Variants in SPDYE4 observed in about 807,000 individuals in gnomAD.
SPDYE4 encodes speedy protein E4.
SPDYE4 carries 30 observed loss-of-function variants against 37.5 expected under a neutral mutation model. The observed-to-expected ratio is 0.80, with a 90% CI of 0.60 to 1.09. The LOEUF is 1.09. Among genes scored for constraint, SPDYE4 ranks in the 50% least tolerant of loss-of-function variants. The pLI is 0.00. For synonymous variants in SPDYE4, 131 were observed against 120.3 expected, an observed-to-expected ratio of 1.09 and a Z score of -0.58; for missense variants, 300 against 307.9, an observed-to-expected ratio of 0.97 and a Z score of 0.19.
intron 4 of SPDYE4, 81 bp downstream of exon 4, chr17:8,755,439 T>A: frequency 6.8e-7 from 1 of 1,479,700 alleles, no homozygotes; most frequent in East Asian, 2.3e-5. Flanking sequence ...GGTAAAAAAA[T>A]AGATGGAAGG....
intron 5 of SPDYE4, 35 bp downstream of exon 5, chr17:8,753,286 T>TGGCCC: frequency 3.0e-6 from 1 of 329,282 alleles, no homozygotes; most frequent in Non-Finnish European, 4.7e-6. Context: ...ACCCCATCCC[T>TGGCCC]CCCCACCCCC....
chr17:8,753,773 A>G (rs189128218), intron 4 of SPDYE4, among the ~76,000 whole-genome samples: 55 of 152,272 alleles, frequency 3.6e-4, no homozygotes, highest in Non-Finnish European at 1.5e-5. Context: ...ACTGGAGGCC[A>G]GGAGTTAGGG....
In SPDYE4 at chr17:8,751,799, G is replaced by A. The variant is rs1481826698; in HGVS notation, c.*483C>T. On this transcript the variant is annotated 3_prime_UTR_variant, in exon 7 of 7. Coordinates refer to ENST00000689094, the MANE Select transcript of SPDYE4 (RefSeq NM_001394956.1). ...CATTTGAAAAATAAACCAACAAAAT[G>A]TACAGTATCTATTAAACTATCTCTT... Among the ~76,000 whole-genome samples the A allele has an allele frequency of 6.6e-6, 1 of 152,120 alleles. No individual in the cohort carries two copies. Among genetic ancestry groups the A allele is most frequent in the East Asian group, 1.9e-4 (1 of 5,192 alleles).
chr17:8,751,566 G>C lies in SPDYE4; in HGVS notation c.*716C>G, dbSNP rs2086728597. 6.6e-6 allele frequency among the ~76,000 whole-genome samples: 1 copy of C among 152,098 alleles called. No individual in the cohort carries two copies. The highest frequency in any genetic ancestry group is 2.4e-5 in the African/African-American group (1 of 41,416). On this transcript the variant is annotated 3_prime_UTR_variant, in exon 7 of 7. Coordinates refer to ENST00000689094, the MANE Select transcript of SPDYE4 (RefSeq NM_001394956.1). ...GGTCAGTATCATAGATTACAAGAGTGCTCGCTTCAGGAGCACATTTAATAA... is the reference window on the plus strand; with the variant it reads ...GGTCAGTATCATAGATTACAAGAGTCCTCGCTTCAGGAGCACATTTAATAA...
intron 2 of SPDYE4, 48 bp from the exon 3 acceptor site, chr17:8,756,484 C>T (rs768447853): frequency 2.3e-5 from 37 of 1,579,790 alleles, no homozygotes; most frequent in Non-Finnish European, 3.0e-5. Flanking sequence ...ACAGGGTTGC[C>T]GTGGGAGCAG....
downstream of SPDYE4, among the ~76,000 whole-genome samples, chr17:8,748,213 C>A (rs1384825290): frequency 6.6e-6 from 1 of 152,194 alleles, no homozygotes; most frequent in Non-Finnish European, 1.5e-5. Flanking sequence ...GATATAGAGC[C>A]TTTGGGATGT....
chr17:8,756,887 CTTTTA>C (rs566834233), intron 2 of SPDYE4, among the ~76,000 whole-genome samples: 7 of 151,536 alleles, frequency 4.6e-5, no homozygotes, highest in African/African-American at 7.3e-5. Context: ...TTTCTTTTAT[CTTTTA>C]TTTTATTTTA....
chr17:8,754,028 C>T (rs1371685732), intron 4 of SPDYE4, among the ~76,000 whole-genome samples: 1 of 152,098 alleles, frequency 6.6e-6, no homozygotes, highest in African/African-American at 2.4e-5. Flanking sequence ...CTCTCACCTA[C>T]CAAAAGGCCA....
intron 6 of SPDYE4, among the ~76,000 whole-genome samples, chr17:8,752,619 C>T (rs1017975701): frequency 3.9e-5 from 6 of 152,138 alleles, no homozygotes; most frequent in Admixed American, 6.5e-5. Flanking sequence ...TCTAACACGA[C>T]AACCTCAGGA....
At position 8,757,483 on chromosome 17, in the gene SPDYE4, A is replaced by G. The variant is rs900121740; in HGVS notation, c.119T>C (p.Ile40Thr). The change falls in exon 2 of 7, where the codon ATA becomes ACA. Residue 40 changes from isoleucine to threonine, a missense_variant. By Grantham distance (89) the Ile-to-Thr change is moderately conservative. Coordinates refer to ENST00000689094, the MANE Select transcript of SPDYE4 (RefSeq NM_001394956.1). ...DEVPGPSAPW[I>T]DPSPQPQSLG... ...GGATTGAGGCTGGGGGCTGGGATCTATCCAAGGGGCTGAGTGAAGAAACCA... is the reference window on the plus strand; with the variant it reads ...GGATTGAGGCTGGGGGCTGGGATCTGTCCAAGGGGCTGAGTGAAGAAACCA... 1.9e-6 allele frequency: 3 copies of G among 1,609,272 alleles called. No homozygotes were observed. The highest frequency in any genetic ancestry group is 2.5e-6 in the Non-Finnish European group (3 of 1,177,746).
At position 8,756,454 on chromosome 17, in the gene SPDYE4, G is replaced by C. The variant is rs1207520662; in HGVS notation, c.341-18C>G. 6.2e-7 allele frequency: 1 copy of C among 1,613,412 alleles called. No homozygotes were observed. Among genetic ancestry groups the C allele is most frequent in the East Asian group, 2.2e-5 (1 of 44,876 alleles). On this transcript the variant is annotated intron_variant, in intron 2 of 6. Transcript: ENST00000689094. ...AGGATCCCCTGTGAAAAGAGAGCCT[G>C]TGTCAGGGTGAGAAGTGGAACAGGG...
downstream of SPDYE4, among the ~76,000 whole-genome samples, chr17:8,750,701 C>A (rs1435697551): frequency 6.8e-6 from 1 of 147,834 alleles, no homozygotes; most frequent in Non-Finnish European, 1.5e-5. Flanking sequence ...CAGAGCAAGA[C>A]TCCATCTCAA....
Position 8,758,257 on chromosome 17 carries a change from C to G in SPDYE4, c.109+17G>C, listed in dbSNP as rs1370571385. ...CAGTCAATCATCTCCCATCGCTTCT[C>G]CCTCCAGTCACCTCACCTGATGGTC... On this transcript the variant is annotated intron_variant, in intron 1 of 6. Coordinates refer to ENST00000689094, the MANE Select transcript of SPDYE4 (RefSeq NM_001394956.1). 6.6e-7 allele frequency: 1 copy of G among 1,520,280 alleles called. No individual in the cohort carries two copies. The highest frequency in any genetic ancestry group is 1.4e-5 in the African/African-American group (1 of 72,370). 94.2% of individuals were successfully genotyped at this position (1,520,280 alleles called of 1,614,324 possible). A position where few individuals can be genotyped will look rare whatever the true frequency, so the allele number is the denominator to read the frequency against.
chr17:8,753,286 T>TGGCC, intron 5 of SPDYE4, 35 bp downstream of exon 5: 1 of 329,284 alleles, frequency 3.0e-6, no homozygotes. Context: ...ACCCCATCCC[T>TGGCC]CCCCACCCCC....
rs1161143695 is a variant in SPDYE4 at position 8,752,988 on chromosome 17, G to T, written c.*44+106C>A. 2.0e-5 allele frequency: 20 copies of T among 985,280 alleles called. No individual in the cohort carries two copies. In the South Asian group the frequency reaches 2.7e-4, roughly 13 times the overall value. The allele number at this position is 985,280 out of a possible 1,614,324, so 61.0% of individuals were successfully genotyped here. A position where few individuals can be genotyped will look rare whatever the true frequency, so the allele number is the denominator to read the frequency against. ...ATTTTTGTATTTTTGTGGAGACGGG[G>T]TGTCGCCATGTTGACCAGGCTTGAA... On this transcript the variant is annotated intron_variant, in intron 6 of 6. Coordinates refer to ENST00000689094, the MANE Select transcript of SPDYE4 (RefSeq NM_001394956.1).
At chr17:8,755,667 G>A (rs1055339928) in intron 3 of SPDYE4, 62 bp from the exon 4 acceptor site, 2 of 1,569,478 alleles carry the variant, frequency 1.3e-6, no homozygotes, top group African/African-American at 1.4e-5. Flanking sequence ...GAGGAAGATG[G>A]TGGAGAGAAG....
Position 8,751,674 on chromosome 17 carries a change from A to T in SPDYE4, c.*608T>A, listed in dbSNP as rs1252462037. On this transcript the variant is annotated 3_prime_UTR_variant, in exon 7 of 7. Transcript: ENST00000689094. ...TGAAAACTAAATTATATTTATGTGT[A>T]TATAACAACCGTCAGAGAACTCTAT... Among the ~76,000 whole-genome samples, 1 of 152,248 alleles carries T rather than the reference A, an allele frequency of 6.6e-6. No individual in the cohort carries two copies. Among genetic ancestry groups the T allele is most frequent in the Non-Finnish European group, 1.5e-5 (1 of 68,046 alleles).
At position 8,755,496 on chromosome 17, in the gene SPDYE4, G is replaced by A. The variant is rs1330534129; in HGVS notation, c.485+24C>T. 6 of 1,608,370 alleles carry A rather than the reference G, an allele frequency of 3.7e-6. No homozygotes were observed. The Admixed American group carries it at 6.7e-5, about 18-fold the overall frequency. ...TGTCCCAGGGTGTTGGATATTGACA[G>A]ATGGGAAGAAGCAAACTACTCACAG... On this transcript the variant is annotated intron_variant, in intron 4 of 6. Transcript: ENST00000689094.
At chr17:8,755,718 C>T (rs1333256690) in intron 3 of SPDYE4, 113 bp from the exon 4 acceptor site, 7 of 1,331,292 alleles carry the variant, frequency 5.3e-6, no homozygotes, top group Admixed American at 3.7e-5. Flanking sequence ...ACAGAAGGAA[C>T]CTCAGTGTTG....
Sources: gnomAD v4.1 joint callset for allele counts (sites outside exome capture counted in the v4.1 genomes callset) on GRCh38, gnomAD v4.1.1 for gene constraint, MANE v1.5 for transcripts, NCBI Gene and HGNC (gene_info 2026-07-23, HGNC 2026-07-21) for gene names.